KATNAL2: variants seen among roughly 807,000 people sequenced by gnomAD.
KATNAL2 encodes the protein katanin p60 ATPase-containing subunit A-like 2.
Under a neutral mutation model 76.3 loss-of-function variants are expected in KATNAL2, and 52 were observed. That is an observed-to-expected ratio of 0.68 (90% CI 0.55 to 0.86). The LOEUF (loss-of-function observed/expected upper bound fraction) is 0.86. KATNAL2 is among the 40% of genes least tolerant of loss of function. KATNAL2 has a pLI of 0.00. For missense variants in KATNAL2, 660 were observed against 668.9 expected (o/e 0.99, Z 0.15); for synonymous variants, 243 against 244.2 (o/e 1.00, Z 0.05).
chr18:46,923,791 A>G (rs1251290790), intron 1 of KATNAL2, among the ~76,000 whole-genome samples: 1 of 152,058 alleles, frequency 6.6e-6, no homozygotes, highest in Non-Finnish European at 1.5e-5. Flanking sequence ...ATGGTATCTC[A>G]TTGTGGTTTT....
At chr18:46,951,191 G>A (rs1325682628) in intron 3 of KATNAL2, among the ~76,000 whole-genome samples, 4 of 151,874 alleles carry the variant, frequency 2.6e-5, no homozygotes, top group Admixed American at 6.6e-5. Flanking sequence ...ATATTAATCC[G>A]ATTGTATAAA....
At chr18:47,031,584 A>C (rs989348548) in intron 3 of KATNAL2, among the ~76,000 whole-genome samples, 2 of 152,174 alleles carry the variant, frequency 1.3e-5, no homozygotes, top group African/African-American at 4.8e-5. Flanking sequence ...GTGTTTCCAG[A>C]CTTCCAGCTA....
At chr18:46,918,183 A>G (rs1031085941) in intron 1 of KATNAL2, 1 of 152,192 alleles carries the variant, frequency 6.6e-6, no homozygotes, top group Non-Finnish European at 1.5e-5. Context: ...GAGTAAGTAG[A>G]TAGAAGGAAG....
chr18:46,937,808 A>G (rs1490117089), intron 1 of KATNAL2, among the ~76,000 whole-genome samples: 1 of 152,206 alleles, frequency 6.6e-6, no homozygotes, highest in African/African-American at 2.4e-5. Context: ...ATTCCTGCAA[A>G]AGAATACTAT....
chr18:47,045,109 T>C (rs2061111333), intron 3 of KATNAL2, among the ~76,000 whole-genome samples: 1 of 150,862 alleles, frequency 6.6e-6, no homozygotes, highest in Admixed American at 6.6e-5. Flanking sequence ...AAAAAAAAAT[T>C]AAAAAAGAAA....
At chr18:46,959,705 C>G (rs749354482) in intron 3 of KATNAL2, among the ~76,000 whole-genome samples, 64 of 152,156 alleles carry the variant, frequency 4.2e-4, no homozygotes, top group Non-Finnish European at 8.7e-4. Flanking sequence ...TCCTGAGTAG[C>G]TGAGATTACA....
Position 47,063,018 on chromosome 18 carries a change from G to C in KATNAL2, c.596G>C (p.Gly199Ala), listed in dbSNP as rs1387469686. ...GGGCTGCTCACAGATGCCATCAAGG[G>C]AGCAACCAGTGAACTTGCCTTGAAC... ...FQGLLTDAIK[G>A]ATSELALNTF... Residue 199 changes from glycine (G) to alanine (A), a missense_variant, in exon 9 of 18, where the codon GGA becomes GCA. Gly to Ala is a moderately conservative substitution (Grantham distance 60). Coordinates refer to ENST00000683218, the MANE Select transcript of KATNAL2 (RefSeq NM_001387690.1). 2 of 1,614,072 alleles carry C rather than the reference G, an allele frequency of 1.2e-6. No individual in the cohort carries two copies. Among genetic ancestry groups the C allele is most frequent in the Non-Finnish European group, 8.5e-7 (1 of 1,180,000 alleles).
At chr18:47,033,177 G>A in intron 3 of KATNAL2, 1 of 1,614,088 alleles carries the variant, frequency 6.2e-7, no homozygotes, top group Non-Finnish European at 8.5e-7. Flanking sequence ...TGCTGCTGCT[G>A]TCTCTGCCAC....
At chr18:47,073,388 G>T (rs8093382) in intron 13 of KATNAL2, among the ~76,000 whole-genome samples, 1 of 152,156 alleles carries the variant, frequency 6.6e-6, no homozygotes, top group African/African-American at 2.4e-5. Flanking sequence ...AGAAGAAACA[G>T]ATAACCTCTG....
intron 15 of KATNAL2, among the ~76,000 whole-genome samples, chr18:47,082,558 G>C (rs916551907): frequency 4.6e-5 from 7 of 152,010 alleles, no homozygotes; most frequent in Non-Finnish European, 4.4e-5. Flanking sequence ...TCTGTATCTT[G>C]ATTTTATCTT....
At chr18:47,041,359 T>G (rs2060957612) in intron 3 of KATNAL2, among the ~76,000 whole-genome samples, 1 of 152,210 alleles carries the variant, frequency 6.6e-6, no homozygotes. Flanking sequence ...TACCTATTCA[T>G]CCCTTCCTCC....
chr18:47,044,851 A>C (rs2061101675), intron 3 of KATNAL2, among the ~76,000 whole-genome samples: 1 of 152,198 alleles, frequency 6.6e-6, no homozygotes, highest in African/African-American at 2.4e-5. Flanking sequence ...TGAAAGGACA[A>C]AGTAAGAAGA....
At chr18:47,080,233 G>T (rs1321719571) in intron 15 of KATNAL2, among the ~76,000 whole-genome samples, 1 of 152,270 alleles carries the variant, frequency 6.6e-6, no homozygotes, top group East Asian at 1.9e-4. Flanking sequence ...TCAGCCATCA[G>T]CTTCTTTCTC....
chr18:46,918,309 A>T (rs1387924240), intron 1 of KATNAL2, among the ~76,000 whole-genome samples: 1 of 152,136 alleles, frequency 6.6e-6, no homozygotes, highest in Non-Finnish European at 1.5e-5. Context: ...AATTGGGTGG[A>T]ACCCACACAC....
rs2063435729 is a variant in KATNAL2 at position 47,101,351 on chromosome 18, T to C, written c.*346T>C. 1 of 234,330 alleles carries C rather than the reference T, an allele frequency of 4.3e-6. No homozygotes were observed. The highest frequency in any genetic ancestry group is 8.6e-6 in the Non-Finnish European group (1 of 115,864). The allele number at this position is 234,330 out of a possible 1,614,324, so 14.5% of individuals were successfully genotyped here. On this transcript the variant is annotated 3_prime_UTR_variant, in exon 18 of 18. Coordinates refer to ENST00000683218, the MANE Select transcript of KATNAL2 (RefSeq NM_001387690.1). ...AAGAAAAAGATGTACTTAGAAAAGT[T>C]GTGTTGGCCACACACAGGATGACCC...
At chr18:46,920,092 C>T in intron 1 of KATNAL2, 3 of 1,289,708 alleles carry the variant, frequency 2.3e-6, no homozygotes, top group South Asian at 1.2e-5. Context: ...TCCCAGCATT[C>T]ATTCTGCCCC....
Position 46,952,975 on chromosome 18 carries a change from A to G in KATNAL2, c.51+6052A>G, listed in dbSNP as rs142442563. 5.3e-3 allele frequency among the ~76,000 whole-genome samples: 722 copies of G among 137,398 alleles called. 9 individuals carry two copies. Among genetic ancestry groups the G allele is most frequent in the African/African-American group, 0.019 (691 of 36,128 alleles). 90.1% of individuals were successfully genotyped at this position (137,398 alleles called of 152,430 possible). On this transcript the variant is annotated intron_variant, in intron 3 of 17. Coordinates refer to ENST00000683218, the MANE Select transcript of KATNAL2 (RefSeq NM_001387690.1). ...AGTGGCACGATCTCGGCTCACTGCA[A>G]CCTCTGCCTCTCAGGTTCAACCGAT...
At chr18:46,921,098 TC>T (rs1478445285) in intron 1 of KATNAL2, among the ~76,000 whole-genome samples, 1 of 152,204 alleles carries the variant, frequency 6.6e-6, no homozygotes, top group Non-Finnish European at 1.5e-5. Context: ...GATTAAAGTG[TC>T]CTAAGTTTTT....
chr18:46,949,341 C>A (rs1374341761), intron 3 of KATNAL2, among the ~76,000 whole-genome samples: 1 of 152,178 alleles, frequency 6.6e-6, no homozygotes, highest in Non-Finnish European at 1.5e-5. Context: ...CAACCTCCGT[C>A]TCCCAGGCTC....
Sources: allele counts gnomAD v4.1 joint callset (sites outside exome capture counted in the v4.1 genomes callset), GRCh38; gene constraint gnomAD v4.1.1; transcripts MANE v1.5; gene names NCBI Gene and HGNC (gene_info 2026-07-23, HGNC 2026-07-21).